Variants in SH3KBP1 observed in about 807,000 individuals in gnomAD.
SH3KBP1 encodes SH3 domain containing kinase binding protein 1.
A neutral mutation model predicts 50.1 loss-of-function variants in SH3KBP1; 8 were observed. The observed-to-expected ratio is 0.16, with a 90% CI of 0.09 to 0.29. SH3KBP1 has a LOEUF of 0.29. Among genes scored for constraint, SH3KBP1 ranks in the 10% least tolerant of loss-of-function variants. The pLI is 1.00. For missense variants in SH3KBP1, 377 were observed against 535.2 expected (o/e 0.70, Z 2.92); for synonymous variants, 227 against 218.6 (o/e 1.04, Z -0.34).
At chrX:19,707,575 C>T (rs2063677790) in intron 3 of SH3KBP1, among the ~76,000 whole-genome samples, 1 of 111,327 alleles carries the variant, frequency 9.0e-6, no homozygotes, top group Non-Finnish European at 1.9e-5. Context: ...GTCCTCTTCC[C>T]TCTGTCCCAG....
At chrX:19,784,768 C>A (rs1198623537) in intron 2 of SH3KBP1, among the ~76,000 whole-genome samples, 1 of 110,571 alleles carries the variant, frequency 9.0e-6, no homozygotes, top group African/African-American at 3.3e-5. Context: ...CCACACCTGA[C>A]TAATTTTTAT....
In SH3KBP1 at chrX:19,535,299, G is replaced by A. The variant is rs2064678652; in HGVS notation, c.*1118C>T. On this transcript the variant is annotated 3_prime_UTR_variant, in exon 18 of 18. Transcript: ENST00000397821. ...CCTCCTCCCATTCTCTTGGACCTGA[G>A]GAAGGGGTTACAAGTGAGCAAGGCA... The A allele has an allele frequency of 4.4e-6, 1 of 228,100 alleles. No individual in the cohort carries two copies. The highest frequency in any genetic ancestry group is 7.9e-6 in the Non-Finnish European group (1 of 126,487). The allele number at this position is 228,100 out of a possible 1,213,427, so 18.8% of individuals were successfully genotyped here.
chrX:19,568,466 A>C (rs1040014190), intron 13 of SH3KBP1, among the ~76,000 whole-genome samples: 2 of 112,363 alleles, frequency 1.8e-5, no homozygotes, highest in African/African-American at 6.5e-5. Flanking sequence ...AATAATAAGA[A>C]AAAATTAGTC....
intron 2 of SH3KBP1, among the ~76,000 whole-genome samples, chrX:19,772,447 A>T (rs759434577): frequency 9.0e-6 from 1 of 111,449 alleles, no homozygotes; most frequent in Admixed American, 9.5e-5. Context: ...AGAAAAAAAT[A>T]AGGCCCAAAC....
At chrX:19,694,729 T>G (rs2063374611) in intron 5 of SH3KBP1, among the ~76,000 whole-genome samples, 1 of 111,742 alleles carries the variant, frequency 8.9e-6, no homozygotes, top group South Asian at 3.8e-4. Context: ...TACTACTGGT[T>G]AAATAAATGA....
At chrX:19,852,075 T>C (rs139494420) in intron 1 of SH3KBP1, among the ~76,000 whole-genome samples, 1 of 111,386 alleles carries the variant, frequency 9.0e-6, no homozygotes, top group East Asian at 2.8e-4. Context: ...TGGAGGAAAG[T>C]GATGCTGTGT....
chrX:19,760,848 A>G (rs969649909), intron 2 of SH3KBP1, among the ~76,000 whole-genome samples: 2 of 110,580 alleles, frequency 1.8e-5, no homozygotes, highest in African/African-American at 6.6e-5. Flanking sequence ...AGGGGCTAAG[A>G]AGGGATGGTT....
chrX:19,714,844 T>C (rs1303650785), intron 3 of SH3KBP1, among the ~76,000 whole-genome samples: 1 of 112,575 alleles, frequency 8.9e-6, no homozygotes. Context: ...GATAATAGCA[T>C]GTTAATGTTA....
chrX:19,775,962 T>C (rs1182352243), intron 2 of SH3KBP1, among the ~76,000 whole-genome samples: 1 of 111,421 alleles, frequency 9.0e-6, no homozygotes, highest in Non-Finnish European at 1.9e-5. Context: ...ATTTGTCCCT[T>C]GCAAATTGCC....
chrX:19,613,725 T>C (rs939470619), intron 8 of SH3KBP1, among the ~76,000 whole-genome samples: 1 of 112,331 alleles, frequency 8.9e-6, no homozygotes, highest in African/African-American at 3.2e-5. Flanking sequence ...ATCTACTCCC[T>C]CCTAGCATAC....
chrX:19,867,536 G>A (rs2068944319), intron 1 of SH3KBP1, among the ~76,000 whole-genome samples: 1 of 111,844 alleles, frequency 8.9e-6, no homozygotes. Context: ...TCAGACATGC[G>A]ATTCTCTTCC....
intron 3 of SH3KBP1, among the ~76,000 whole-genome samples, chrX:19,727,715 G>A (rs1168421163): frequency 8.9e-5 from 10 of 112,535 alleles, no homozygotes; most frequent in African/African-American, 3.2e-4. Context: ...GCCGGGCGTG[G>A]TGGCTCATGC....
At chrX:19,823,835 G>GT (rs201622971) in intron 2 of SH3KBP1, among the ~76,000 whole-genome samples, 1 of 111,295 alleles carries the variant, frequency 9.0e-6, no homozygotes, top group Non-Finnish European at 1.9e-5. Context: ...GGTTTTTTTT[G>GT]TTTTTTGAGA....
chrX:19,547,525 T>C (rs1454412516), intron 14 of SH3KBP1, among the ~76,000 whole-genome samples: 1 of 112,623 alleles, frequency 8.9e-6, no homozygotes, highest in African/African-American at 3.2e-5. Context: ...TTAATCTTCA[T>C]TTAATCTGAA....
intron 1 of SH3KBP1, among the ~76,000 whole-genome samples, chrX:19,863,631 G>C (rs765650604): frequency 3.6e-5 from 4 of 111,754 alleles, no homozygotes; most frequent in Non-Finnish European, 5.7e-5. Context: ...ACATTCTCCA[G>C]AGCAGAGCCC....
chrX:19,595,247 G>T (rs2066867260), intron 9 of SH3KBP1, among the ~76,000 whole-genome samples: 1 of 112,395 alleles, frequency 8.9e-6, no homozygotes, highest in Non-Finnish European at 1.9e-5. Flanking sequence ...TTCTAAATTT[G>T]TAACAGCCTT....
chrX:19,541,773 G>A (rs1460253439), intron 16 of SH3KBP1, 152 bp downstream of exon 16: 16 of 599,374 alleles, frequency 2.7e-5, no homozygotes, highest in Non-Finnish European at 3.7e-5. Context: ...AGACTCTCGG[G>A]GTCTACACGC....
At chrX:19,667,458 T>C in intron 6 of SH3KBP1, among the ~76,000 whole-genome samples, 1 of 110,636 alleles carries the variant, frequency 9.0e-6, no homozygotes, top group Non-Finnish European at 1.9e-5. Context: ...AGACCCTGTC[T>C]CTACAAAAGG....
chrX:19,728,810 A>G (rs2064295417), intron 3 of SH3KBP1, among the ~76,000 whole-genome samples: 2 of 112,194 alleles, frequency 1.8e-5, no homozygotes, highest in South Asian at 7.3e-4. Flanking sequence ...AAACAGTACC[A>G]TGACCCTGAA....
Sources: allele counts gnomAD v4.1 joint callset (sites outside exome capture counted in the v4.1 genomes callset), GRCh38; gene constraint gnomAD v4.1.1; transcripts MANE v1.5; gene names NCBI Gene and HGNC (gene_info 2026-07-23, HGNC 2026-07-21).